TGFBR3: variants seen among roughly 807,000 people sequenced by gnomAD.
TGFBR3 encodes transforming growth factor beta receptor 3.
TGFBR3 carries 46 observed loss-of-function variants against 87.9 expected under a neutral mutation model. The observed-to-expected ratio is 0.52, with a 90% CI of 0.41 to 0.67. TGFBR3 has a LOEUF of 0.67. TGFBR3 is among the 30% of genes least tolerant of loss of function. TGFBR3 has a pLI of 0.00. For synonymous variants in TGFBR3, 381 were observed against 391.6 expected (o/e 0.97, Z 0.32); for missense variants, 866 against 1,041.9 (o/e 0.83, Z 2.32).
At chr1:91,702,085 T>C (rs750586581) in intron 14 of TGFBR3, among the ~76,000 whole-genome samples, 28 of 152,100 alleles carry the variant, frequency 1.8e-4, no homozygotes, top group Middle Eastern at 3.2e-3. Context: ...TACTAGCATG[T>C]AGTGGGTAGA....
chr1:91,744,954 G>T (rs1303011186), intron 4 of TGFBR3, among the ~76,000 whole-genome samples: 2 of 152,074 alleles, frequency 1.3e-5, no homozygotes, highest in Non-Finnish European at 2.9e-5. Flanking sequence ...GCTCCCCAAT[G>T]ATAATGAAAA....
intron 2 of TGFBR3, among the ~76,000 whole-genome samples, chr1:91,896,982 A>C (rs914626262): frequency 2.0e-5 from 3 of 152,024 alleles, no homozygotes; most frequent in Admixed American, 1.3e-4. Flanking sequence ...AAATTAAAAA[A>C]GACAAAGTAA....
At chr1:91,844,566 G>A (rs1015459919) in intron 2 of TGFBR3, among the ~76,000 whole-genome samples, 1 of 152,182 alleles carries the variant, frequency 6.6e-6, no homozygotes, top group Non-Finnish European at 1.5e-5. Flanking sequence ...TCTATCACTT[G>A]TAATCCTAAC....
intron 2 of TGFBR3, among the ~76,000 whole-genome samples, chr1:91,854,718 T>C (rs562889949): frequency 2.6e-5 from 4 of 152,234 alleles, no homozygotes; most frequent in East Asian, 1.9e-4. Context: ...CATAAATATA[T>C]ACAATTTTTA....
intron 4 of TGFBR3, among the ~76,000 whole-genome samples, chr1:91,735,404 C>T (rs1012946676): frequency 2.0e-4 from 30 of 152,188 alleles, no homozygotes; most frequent in Middle Eastern, 3.2e-3. Context: ...TCAGGTCTTC[C>T]ACAGTTGCAG....
intron 3 of TGFBR3, among the ~76,000 whole-genome samples, chr1:91,793,574 G>T (rs921679450): frequency 6.6e-6 from 1 of 152,132 alleles, no homozygotes; most frequent in East Asian, 1.9e-4. Flanking sequence ...GGAGTCTGAG[G>T]CGGACGGATC....
chr1:91,744,168 T>C (rs1673251913), intron 4 of TGFBR3, among the ~76,000 whole-genome samples: 1 of 151,424 alleles, frequency 6.6e-6, no homozygotes, highest in Admixed American at 6.6e-5. Flanking sequence ...CACTGCAGTC[T>C]CTGCCTCCCA....
chr1:91,816,486 T>C (rs1479163706), intron 2 of TGFBR3, among the ~76,000 whole-genome samples: 2 of 152,240 alleles, frequency 1.3e-5, no homozygotes, highest in African/African-American at 4.8e-5. Flanking sequence ...CTAAGTTGGA[T>C]AACATATTAT....
chr1:91,880,382 G>C (rs1359766378), intron 1 of TGFBR3, among the ~76,000 whole-genome samples: 1 of 152,060 alleles, frequency 6.6e-6, no homozygotes, highest in Non-Finnish European at 1.5e-5. Context: ...GGCGGATCAC[G>C]AGGTCAGGAG....
intron 1 of TGFBR3, among the ~76,000 whole-genome samples, chr1:91,868,216 C>T (rs1319035908): frequency 2.0e-5 from 3 of 152,214 alleles, no homozygotes; most frequent in African/African-American, 7.2e-5. Flanking sequence ...CTGTGCTCGG[C>T]CCCACACTGT....
rs72967153 is a variant in TGFBR3 at position 91,773,029 on chromosome 1, C to G, written c.247-14279G>C. Among the ~76,000 whole-genome samples the G allele has an allele frequency of 7.6e-3, 1,157 of 152,188 alleles. 14 individuals carry two copies. The highest frequency in any genetic ancestry group is 0.027 in the African/African-American group (1,103 of 41,524). On this transcript the variant is annotated intron_variant, in intron 3 of 16. Transcript: ENST00000212355. Reference sequence around the variant, plus strand: ...TTAACTTTCACTATAAACCACAAACCCCGGTGCTCCCCAATTTTGCCTTCC... The same window carrying G: ...TTAACTTTCACTATAAACCACAAACGCCGGTGCTCCCCAATTTTGCCTTCC...
intron 14 of TGFBR3, among the ~76,000 whole-genome samples, chr1:91,705,342 G>A (rs968501036): frequency 1.3e-5 from 2 of 151,084 alleles, no homozygotes; most frequent in African/African-American, 4.9e-5. Flanking sequence ...CTCTGCCTCA[G>A]CCTAAAGAGT....
At chr1:91,705,643 T>G (rs1217191166) in intron 14 of TGFBR3, among the ~76,000 whole-genome samples, 1 of 152,106 alleles carries the variant, frequency 6.6e-6, no homozygotes, top group Non-Finnish European at 1.5e-5. Context: ...ACTTAAAAGG[T>G]GAGAGGAGTC....
intron 2 of TGFBR3, among the ~76,000 whole-genome samples, chr1:91,812,036 T>C (rs1261509799): frequency 1.3e-5 from 2 of 152,152 alleles, no homozygotes; most frequent in Non-Finnish European, 2.9e-5. Context: ...CAAGCAAACC[T>C]TCGTAAACCA....
intron 4 of TGFBR3, among the ~76,000 whole-genome samples, chr1:91,749,876 G>A (rs1048490845): frequency 6.6e-6 from 1 of 152,152 alleles, no homozygotes; most frequent in Non-Finnish European, 1.5e-5. Flanking sequence ...ACAGCTCTCT[G>A]GAGGCTGGCC....
chr1:91,770,629 T>G (rs1469827852), intron 3 of TGFBR3, among the ~76,000 whole-genome samples: 1 of 152,180 alleles, frequency 6.6e-6, no homozygotes, highest in African/African-American at 2.4e-5. Flanking sequence ...TCTACCTGAG[T>G]AATCTTACAA....
rs528048295 is a variant in TGFBR3 at position 91,709,633 on chromosome 1, T to G, written c.2167-850A>C. ...GCCCAGGTTGTGGAGGCCATGAGAT[T>G]AGCCGCTTCAAACCTATTAATGAGC... On this transcript the variant is annotated intron_variant, in intron 13 of 16. Transcript: ENST00000212355. Among the ~76,000 whole-genome samples, 14 of 152,340 alleles carry G rather than the reference T, an allele frequency of 9.2e-5. No homozygotes were observed. The East Asian group carries it at 2.1e-3, about 23-fold the overall frequency.
chr1:91,833,965 T>C (rs1410426305), intron 2 of TGFBR3, among the ~76,000 whole-genome samples: 1 of 152,192 alleles, frequency 6.6e-6, no homozygotes, highest in Non-Finnish European at 1.5e-5. Flanking sequence ...CTCAATATCA[T>C]TTTAACTCTA....
chr1:91,738,000 C>T (rs887405506), intron 4 of TGFBR3, among the ~76,000 whole-genome samples: 1 of 152,158 alleles, frequency 6.6e-6, no homozygotes, highest in African/African-American at 2.4e-5. Flanking sequence ...CTCTCCCTGA[C>T]ATGTATGGGT....
Sources: gnomAD v4.1 joint callset for allele counts (sites outside exome capture counted in the v4.1 genomes callset) on GRCh38, gnomAD v4.1.1 for gene constraint, MANE v1.5 for transcripts, NCBI Gene and HGNC (gene_info 2026-07-23, HGNC 2026-07-21) for gene names.